The following PPP1R10 variants were observed in gnomAD, a reference collection of about 807,000 sequenced individuals.
PPP1R10 encodes protein phosphatase 1 regulatory subunit 10.
Under a neutral mutation model 99.0 loss-of-function variants are expected in PPP1R10, and 15 were observed. The observed-to-expected ratio is 0.15, with a 90% confidence interval of 0.10 to 0.23. The LOEUF (loss-of-function observed/expected upper bound fraction) is 0.23. PPP1R10 is among the 10% of genes least tolerant of loss of function. The pLI, the probability that PPP1R10 is intolerant of heterozygous loss-of-function variation, is 1.00. For missense variants in PPP1R10, 947 were observed against 1,259.4 expected (o/e 0.75, Z 3.75); for synonymous variants, 430 against 449.5 (o/e 0.96, Z 0.55).
At position 30,606,540 on chromosome 6, in the gene PPP1R10, G is replaced by T; in HGVS notation, c.562C>A (p.Pro188Thr). 6.2e-7 allele frequency: 1 copy of T among 1,614,048 alleles called. No homozygotes were observed. Among genetic ancestry groups the T allele is most frequent in the East Asian group, 2.2e-5 (1 of 44,880 alleles). Residue 188 changes from proline to threonine, a missense_variant, in exon 8 of 20, where the codon CCA becomes ACA. By Grantham distance (38) the Pro-to-Thr change is conservative. Transcript: ENST00000376511. The surrounding 1 kb of genome is among the most constrained non-coding windows in gnomAD (Gnocchi z 6.3). ...VKAETRAEEA[P>T]EKKREKPKSL... ...TTGGGCTTCTCCCTCTTCTTCTCTG[G>T]GGCCTCCTCAGCCCGGGTCTCAGCC...
Position 30,603,573 on chromosome 6 carries a change from G to A in PPP1R10, c.1666C>T (p.Pro556Ser). The A allele has an allele frequency of 6.2e-7, 1 of 1,614,048 alleles. No homozygotes were observed. The highest frequency in any genetic ancestry group is 8.5e-7 in the Non-Finnish European group (1 of 1,179,996). ...PDGAGGSKLP[P>S]VLANLMGSMG... is the part of the protein sequence containing the mutation. The stretch of plus-strand genomic sequence containing the variant: ...CTTCCCATAAGATTGGCCAGAACTG[G>A]AGGCAACTTGGAGCCTCCTGCCCCA... The change falls in exon 16 of 20, where the codon CCA (proline) becomes TCA (serine). Residue 556 changes from proline (P) to serine (S), a missense_variant. Physicochemically the swap from Pro to Ser is moderately conservative, Grantham distance 74 (BLOSUM62 -1). Around this residue, in one of 10 missense-constraint regions of PPP1R10, gnomAD observed 525 missense variants for 578.8 expected, o/e 0.91. Coordinates refer to ENST00000376511, the MANE Select transcript of PPP1R10 (RefSeq NM_002714.4).
Position 30,602,226 on chromosome 6 carries a change from CTGA to C in PPP1R10, c.2420_2422del (p.Ile807del). 2 of 1,611,700 alleles carry C rather than the reference CTGA, an allele frequency of 1.2e-6. No individual in the cohort carries two copies. Among genetic ancestry groups the C allele is most frequent in the Non-Finnish European group, 1.7e-6 (2 of 1,179,224 alleles). On this transcript the variant is annotated inframe_deletion, in exon 19 of 20. Coordinates refer to ENST00000376511, the MANE Select transcript of PPP1R10 (RefSeq NM_002714.4). This position sits in a 1 kb window ranked among gnomAD's most constrained non-coding sequence, Gnocchi z 6.7. ...ATGGGGACGATGGCCACTGCCACCA[CTGA>C]TGCCACCGCCAGGGCCTTCGTGGGG...
rs1803741343 is a variant in PPP1R10, at chr6:30,604,696, T to C, written c.994A>G (p.Thr332Ala). Residue 332 changes from threonine (T) to alanine (A), a missense_variant, in exon 12 of 20, where the codon ACA becomes GCA. By Grantham distance (58) the Thr-to-Ala change is moderately conservative. Transcript: ENST00000376511. This position sits in a 1 kb window ranked among gnomAD's most constrained non-coding sequence, Gnocchi z 7.3. Reference protein sequence around the residue: ...FEGKTSTEPSTAKPSSPEPAP... With the variant: ...FEGKTSTEPSAAKPSSPEPAP... ...GGTTCTGGGGAAGAAGGTTTGGCTG[T>C]GCTTGGTTCTGTGCTCGTTTTCCCT... The C allele has an allele frequency of 6.2e-7, 1 of 1,613,092 alleles. No homozygotes were observed. Among genetic ancestry groups the C allele is most frequent in the African/African-American group, 1.3e-5 (1 of 75,048 alleles).
intron 2 of PPP1R10, among the ~76,000 whole-genome samples, chr6:30,612,346 C>T (rs780553719): frequency 5.9e-5 from 9 of 152,170 alleles, no homozygotes; most frequent in Non-Finnish European, 1.0e-4. Context: ...AAACTGTCAT[C>T]TGAGCTCAAG....
Position 30,606,060 on chromosome 6 carries a change from A to T in PPP1R10, c.741-25T>A. The T allele has an allele frequency of 6.2e-7, 1 of 1,613,062 alleles. No individual in the cohort carries two copies. Among genetic ancestry groups the T allele is most frequent in the Non-Finnish European group, 8.5e-7 (1 of 1,179,152 alleles). ...GCTGTCAGAAGAGGAACTGTCATCA[A>T]CATCTCCGACTCACCCCCTCCTGCT... On this transcript the variant is annotated intron_variant, in intron 9 of 19. Coordinates refer to ENST00000376511, the MANE Select transcript of PPP1R10 (RefSeq NM_002714.4). The surrounding 1 kb of genome is among the most constrained non-coding windows in gnomAD (Gnocchi z 6.3).
intron 10 of PPP1R10, chr6:30,605,696 T>C (rs888003257): frequency 5.9e-6 from 3 of 510,028 alleles, no homozygotes; most frequent in Non-Finnish European, 1.0e-5. Context: ...CCATCTCTAC[T>C]AAAAATACAA....
rs375779661 is a variant in PPP1R10, at chr6:30,604,625, C to T, written c.1065G>A (p.Pro355=). ...GCTCCGGGACTTCAACAGGGGGAAC[C>T]GGGGTGCCTGGACGGTCTGCGTCCA... The part of the protein sequence containing the change: ...EAMDADRPGT[P]VPPVEVPELM... Residue 355 remains proline (P), a synonymous_variant, in exon 12 of 20, where the codon CCG becomes CCA. Transcript: ENST00000376511. The surrounding 1 kb of genome is among the most constrained non-coding windows in gnomAD (Gnocchi z 7.3). 6.2e-6 allele frequency: 10 copies of T among 1,612,972 alleles called. No homozygotes were observed. The Admixed American group carries it at 1.3e-4, about 22-fold the overall frequency.
In PPP1R10 at chr6:30,604,079, A is replaced by G. The variant is rs1416444870; in HGVS notation, c.1437T>C (p.Asn479=). 1 of 1,613,802 alleles carries G rather than the reference A, an allele frequency of 6.2e-7. No individual in the cohort carries two copies. Among genetic ancestry groups the G allele is most frequent in the Non-Finnish European group, 8.5e-7 (1 of 1,179,964 alleles). ...LPSPLVTPGS[N]SQERYIQAER... is the part of the protein sequence containing the mutation. ...CAGCCTGGATATATCGCTCCTGACT[A>G]TTGCTTCCAGGGGTGACAAGAGGTG... Residue 479 remains asparagine (N), a synonymous_variant, in exon 14 of 20, where the codon AAT becomes AAC. Coordinates refer to ENST00000376511, the MANE Select transcript of PPP1R10 (RefSeq NM_002714.4). This position sits in a 1 kb window ranked among gnomAD's most constrained non-coding sequence, Gnocchi z 7.3.
intron 2 of PPP1R10, among the ~76,000 whole-genome samples, chr6:30,615,540 G>T (rs913498446): frequency 1.3e-5 from 2 of 152,134 alleles, no homozygotes; most frequent in African/African-American, 2.4e-5. Flanking sequence ...AAAGGACAAG[G>T]AAAGTCGCCA....
In PPP1R10 at chr6:30,604,768, A is replaced by C; in HGVS notation, c.955-33T>G. 6.2e-7 allele frequency: 1 copy of C among 1,612,610 alleles called. No homozygotes were observed. Among genetic ancestry groups the C allele is most frequent in the Non-Finnish European group, 8.5e-7 (1 of 1,179,894 alleles). ...GAAAGAAAAGGAAGTTAATGAACTGACTGGAAAGCCAAGGGCAAGGCAATT... is the reference window on the plus strand; with the variant it reads ...GAAAGAAAAGGAAGTTAATGAACTGCCTGGAAAGCCAAGGGCAAGGCAATT... On this transcript the variant is annotated intron_variant, in intron 11 of 19. Transcript: ENST00000376511. The surrounding 1 kb of genome is among the most constrained non-coding windows in gnomAD (Gnocchi z 7.3).
At position 30,604,202 on chromosome 6, in the gene PPP1R10, C is replaced by A. The variant is rs1185400915; in HGVS notation, c.1314G>T (p.Leu438=). ...CTGTCTCAAATGCATGTCGGTCTGACAGTATCTCTCGCTTAGCCGCCTCAC... is the reference window on the plus strand; with the variant it reads ...CTGTCTCAAATGCATGTCGGTCTGAAAGTATCTCTCGCTTAGCCGCCTCAC... ...DFGEAAKREI[L]SDRHAFETAR... is the part of the protein sequence containing the mutation. Residue 438 remains leucine (L), a synonymous_variant, in exon 14 of 20, where the codon CTG becomes CTT. Transcript: ENST00000376511. This position sits in a 1 kb window ranked among gnomAD's most constrained non-coding sequence, Gnocchi z 7.3. The A allele has an allele frequency of 6.2e-7, 1 of 1,614,052 alleles. No individual in the cohort carries two copies. The highest frequency in any genetic ancestry group is 8.5e-7 in the Non-Finnish European group (1 of 1,180,046).
At chr6:30,615,506 A>G (rs1437009949) in intron 2 of PPP1R10, among the ~76,000 whole-genome samples, 1 of 152,204 alleles carries the variant, frequency 6.6e-6, no homozygotes, top group Non-Finnish European at 1.5e-5. Context: ...TCAAGACACA[A>G]CCTGCAACGC....
chr6:30,602,716 C>G lies in PPP1R10; in HGVS notation c.1958-25G>C. ...CCTGTAAGGGGACAAAAAAGAGAGA[C>G]AGTATCAGCTACCAGGAACTGCCAT... is the stretch of plus-strand genomic sequence containing the variant. On this transcript the variant is annotated intron_variant, in intron 18 of 19. Coordinates refer to ENST00000376511, the MANE Select transcript of PPP1R10 (RefSeq NM_002714.4). The surrounding 1 kb of genome is among the most constrained non-coding windows in gnomAD (Gnocchi z 6.7). 1 of 1,601,312 alleles carries G rather than the reference C, an allele frequency of 6.2e-7. No homozygotes were observed. Among genetic ancestry groups the G allele is most frequent in the South Asian group, 1.1e-5 (1 of 89,430 alleles).
chr6:30,601,689 G>A (rs1048260698), intron 19 of PPP1R10, 31 bp from the exon 20 acceptor site: 3 of 1,593,062 alleles, frequency 1.9e-6, no homozygotes, highest in East Asian at 2.2e-5. Context: ...CAGTTAGACA[G>A]GAAATAGCTG....
At position 30,605,047 on chromosome 6, in the gene PPP1R10, G is replaced by A; in HGVS notation, c.901C>T (p.Pro301Ser). ...TTTTTCTTCTTAATTTTGATGCCTGGAACAGGGGCTGAATTAAGAGCATCC... is the reference window on the plus strand; with the variant it reads ...TTTTTCTTCTTAATTTTGATGCCTGAAACAGGGGCTGAATTAAGAGCATCC... ...FLDALNSAPV[P>S]GIKIKKKKKV... is the part of the protein sequence containing the mutation. The change falls in exon 11 of 20, where the codon CCA (proline) becomes TCA (serine). Residue 301 changes from proline to serine, a missense_variant. Physicochemically the swap from Pro to Ser is moderately conservative, Grantham distance 74. Coordinates refer to ENST00000376511, the MANE Select transcript of PPP1R10 (RefSeq NM_002714.4). 6.2e-7 allele frequency: 1 copy of A among 1,612,884 alleles called. No homozygotes were observed. Among genetic ancestry groups the A allele is most frequent in the Non-Finnish European group, 8.5e-7 (1 of 1,180,012 alleles).
rs769850979 is a variant in PPP1R10, at chr6:30,603,190, G to A, written c.1843+20C>T. 6.2e-7 allele frequency: 1 copy of A among 1,601,104 alleles called. No homozygotes were observed. The highest frequency in any genetic ancestry group is 8.6e-7 in the Non-Finnish European group (1 of 1,168,278). The stretch of plus-strand genomic sequence containing the variant: ...GCAGGCTTCCTCCCCCAGTCCCCTG[G>A]GGCTGGCCCTGAAGATTACCCAGCA... On this transcript the variant is annotated intron_variant, in intron 17 of 19. Transcript: ENST00000376511.
chr6:30,603,163 C>T (rs755248168), intron 17 of PPP1R10, 47 bp downstream of exon 17: 6 of 1,562,872 alleles, frequency 3.8e-6, no homozygotes, highest in Non-Finnish European at 5.3e-6. Context: ...CCCAACTCCA[C>T]TGCAGGCTTC....
chr6:30,609,981 A>T lies in PPP1R10; in HGVS notation c.-11-26T>A. The T allele has an allele frequency of 2.0e-6, 3 of 1,518,936 alleles. No individual in the cohort carries two copies. In the African/African-American group the frequency reaches 4.1e-5, roughly 21 times the overall value. 94.1% of individuals were successfully genotyped at this position (1,518,936 alleles called of 1,614,324 possible). Reference sequence around the variant, plus strand: ...CTATGGTAAGAGGACAAAACAAACAAACCCACAGAATAAATGGGTGGCAAG... The same window carrying T: ...CTATGGTAAGAGGACAAAACAAACATACCCACAGAATAAATGGGTGGCAAG... On this transcript the variant is annotated intron_variant, in intron 2 of 19. Transcript: ENST00000376511. This position sits in a 1 kb window ranked among gnomAD's most constrained non-coding sequence, Gnocchi z 4.5.
rs1397704344 is a variant in PPP1R10, at chr6:30,605,923, G to A, written c.853C>T (p.Pro285Ser). 2.5e-6 allele frequency: 4 copies of A among 1,606,642 alleles called. No individual in the cohort carries two copies. The highest frequency in any genetic ancestry group is 2.6e-6 in the Non-Finnish European group (3 of 1,174,202). ...EIKVKIIPPQ[P>S]MEGLGFLDAL... ...TACATCTTCCCCACTTTAGACTCAC[G>A]CTGTGGCGGGATGATCTTCACTTTG... is the stretch of plus-strand genomic sequence containing the variant. Residue 285 changes from proline (P) to serine (S), a missense_variant and splice_region_variant, in exon 10 of 20, where the codon CCT becomes TCT. Physicochemically the swap from Pro to Ser is moderately conservative, Grantham distance 74. This residue lies in a region of PPP1R10 where 26 missense variants were observed against 56.6 expected (regional missense o/e 0.46). Coordinates refer to ENST00000376511, the MANE Select transcript of PPP1R10 (RefSeq NM_002714.4).
Sources: gnomAD v4.1 joint callset for allele counts (sites outside exome capture counted in the v4.1 genomes callset) on GRCh38, gnomAD v4.1.1 for gene constraint, gnomAD v4.1.1 regional missense constraint, Gnocchi (gnomAD v3.1) non-coding constraint, MANE v1.5 for transcripts, NCBI Gene and HGNC (gene_info 2026-07-23, HGNC 2026-07-21) for gene names.